Variants in CREB5 observed in about 807,000 individuals in gnomAD.
CREB5 encodes the protein cAMP responsive element binding protein 5.
CREB5 carries 19 observed loss-of-function variants against 57.1 expected under a neutral mutation model. The ratio of observed to expected loss-of-function variants is 0.33; its 90% CI spans 0.23 to 0.49. The LOEUF (loss-of-function observed/expected upper bound fraction) is 0.49. CREB5 is among the 20% of genes least tolerant of loss of function. The probability of loss-of-function intolerance (pLI) is 0.99; values close to 1 mark genes in which losing one functional copy is unlikely to be tolerated. For missense variants in CREB5, 579 were observed against 671.6 expected (o/e 0.86, Z 1.52); for synonymous variants, 238 against 238.3 (o/e 1.00, Z 0.01).
chr7:28,696,889 CACATACTCACATT>C (rs1801601360), intron 5 of CREB5, among the ~76,000 whole-genome samples: 1 of 150,160 alleles, frequency 6.7e-6, no homozygotes, highest in African/African-American at 2.4e-5. Context: ...TGTATATACA[CACATACTCACATT>C]ACATACACAC....
At chr7:28,331,429 C>CT (rs1276675064) in intron 1 of CREB5, among the ~76,000 whole-genome samples, 2 of 151,968 alleles carry the variant, frequency 1.3e-5, no homozygotes, top group African/African-American at 4.8e-5. Context: ...AAAGTAAAGT[C>CT]TTTTTTTGCC....
chr7:28,654,816 G>C (rs949551665), intron 5 of CREB5, among the ~76,000 whole-genome samples: 1 of 152,156 alleles, frequency 6.6e-6, no homozygotes, highest in South Asian at 2.1e-4. Flanking sequence ...CTAAAGCCAG[G>C]CATAGGAATG....
intron 5 of CREB5, among the ~76,000 whole-genome samples, chr7:28,663,798 TTC>T (rs1332084708): frequency 6.6e-6 from 1 of 152,224 alleles, no homozygotes; most frequent in African/African-American, 2.4e-5. Flanking sequence ...TTCTTTCCCC[TTC>T]TCTCATTTGC....
intron 1 of CREB5, among the ~76,000 whole-genome samples, chr7:28,425,297 T>C (rs1788457790): frequency 6.6e-6 from 1 of 151,952 alleles, no homozygotes; most frequent in Non-Finnish European, 1.5e-5. Context: ...TACTATAACA[T>C]GAATGAACCT....
chr7:28,318,998 A>G (rs1785436815), intron 1 of CREB5, among the ~76,000 whole-genome samples: 1 of 152,182 alleles, frequency 6.6e-6, no homozygotes, highest in Non-Finnish European at 1.5e-5. Flanking sequence ...CGACTAAAGG[A>G]AGCCCGCTTA....
chr7:28,655,654 G>A (rs1033323973), intron 5 of CREB5, among the ~76,000 whole-genome samples: 29 of 151,990 alleles, frequency 1.9e-4, no homozygotes, highest in Non-Finnish European at 3.2e-4. Context: ...AAGATTAAAA[G>A]GGTTTCTGTT....
intron 5 of CREB5, among the ~76,000 whole-genome samples, chr7:28,666,473 T>A (rs1332627757): frequency 2.6e-5 from 4 of 152,194 alleles, no homozygotes; most frequent in Non-Finnish European, 4.4e-5. Context: ...TTTCCTGATG[T>A]TAACGGATCC....
intron 5 of CREB5, among the ~76,000 whole-genome samples, chr7:28,648,169 G>C (rs1435307588): frequency 6.6e-6 from 1 of 152,122 alleles, no homozygotes; most frequent in Non-Finnish European, 1.5e-5. Flanking sequence ...GAGAGGGTCT[G>C]GGAGGGTATA....
intron 5 of CREB5, among the ~76,000 whole-genome samples, chr7:28,643,612 A>G (rs1583468761): frequency 6.6e-6 from 1 of 152,288 alleles, no homozygotes. Flanking sequence ...TACCTACTTC[A>G]ACAGGTTGTT....
intron 5 of CREB5, among the ~76,000 whole-genome samples, chr7:28,665,636 G>A (rs900856057): frequency 6.6e-6 from 1 of 152,160 alleles, no homozygotes; most frequent in Non-Finnish European, 1.5e-5. Flanking sequence ...TGGTAAGAAA[G>A]AGGAATTTGG....
At chr7:28,801,011 T>C (rs1808331193) in intron 7 of CREB5, among the ~76,000 whole-genome samples, 1 of 152,230 alleles carries the variant, frequency 6.6e-6, no homozygotes. Flanking sequence ...AGCTTGATAC[T>C]TGTAAAACAT....
At chr7:28,342,645 A>C (rs963455986) in intron 1 of CREB5, among the ~76,000 whole-genome samples, 1 of 152,222 alleles carries the variant, frequency 6.6e-6, no homozygotes, top group East Asian at 1.9e-4. Flanking sequence ...TGTTTCTAGA[A>C]TATCACTCCA....
At chr7:28,466,143 C>T (rs369696548) in intron 1 of CREB5, among the ~76,000 whole-genome samples, 94 of 145,010 alleles carry the variant, frequency 6.5e-4, no homozygotes, top group African/African-American at 2.3e-3. Context: ...GTTTCTCTTG[C>T]GGTCTTTCTA....
intron 5 of CREB5, among the ~76,000 whole-genome samples, chr7:28,580,094 GTC>G (rs1293412891): frequency 2.0e-5 from 3 of 152,156 alleles, no homozygotes; most frequent in African/African-American, 7.2e-5. Context: ...AGTGAAACCA[GTC>G]TACTTCTAAA....
At chr7:28,315,198 A>G (rs2127982565) in intron 1 of CREB5, among the ~76,000 whole-genome samples, 1 of 152,346 alleles carries the variant, frequency 6.6e-6, no homozygotes, top group East Asian at 1.9e-4. Context: ...TGTGGGCACA[A>G]TTCATTTGTA....
At chr7:28,471,205 G>A (rs1168421752) in intron 1 of CREB5, among the ~76,000 whole-genome samples, 1 of 152,052 alleles carries the variant, frequency 6.6e-6, no homozygotes, top group Non-Finnish European at 1.5e-5. Context: ...CATAGTTTGA[G>A]GTCTTAGATT....
chr7:28,822,846 G>A lies in CREB5; in HGVS notation c.*3567G>A, dbSNP rs924012158. 3 of 152,566 alleles carry A rather than the reference G, an allele frequency of 2.0e-5. No individual in the cohort carries two copies. Among genetic ancestry groups the A allele is most frequent in the Admixed American group, 6.5e-5 (1 of 15,290 alleles). The allele number at this position is 152,566 out of a possible 1,614,324, so 9.5% of individuals were successfully genotyped here. On this transcript the variant is annotated 3_prime_UTR_variant, in exon 11 of 11. Coordinates refer to ENST00000357727, the MANE Select transcript of CREB5 (RefSeq NM_182898.4). ...CAAGTGTTAAGTCGGATGTTTTCCC[G>A]TTACACTACTACTCAGCCCTCTCCT... is the stretch of plus-strand genomic sequence containing the variant.
At chr7:28,690,499 C>T (rs1801195474) in intron 5 of CREB5, among the ~76,000 whole-genome samples, 1 of 152,174 alleles carries the variant, frequency 6.6e-6, no homozygotes, top group East Asian at 1.9e-4. Flanking sequence ...AGAGCATGGC[C>T]TTTGGGGTTA....
chr7:28,528,283 C>G (rs1035040101), intron 4 of CREB5, among the ~76,000 whole-genome samples: 5 of 152,160 alleles, frequency 3.3e-5, no homozygotes, highest in Admixed American at 1.3e-4. Context: ...GCATTAATTG[C>G]TCTGTAATTG....
Sources: allele counts gnomAD v4.1 joint callset (sites outside exome capture counted in the v4.1 genomes callset), GRCh38; gene constraint gnomAD v4.1.1; transcripts MANE v1.5; gene names NCBI Gene and HGNC (gene_info 2026-07-23, HGNC 2026-07-21).